Variants in MDM1 observed in about 807,000 individuals in gnomAD.
The protein encoded by MDM1 is Mdm1 nuclear protein.
A neutral mutation model predicts 89.1 loss-of-function variants in MDM1; 61 were observed. That is an observed-to-expected ratio of 0.68 (90% CI 0.56 to 0.85). MDM1 has a LOEUF of 0.85. Among genes scored for constraint, MDM1 ranks in the 40% least tolerant of loss-of-function variants. The probability of loss-of-function intolerance (pLI) is 0.00; values close to 1 mark genes in which losing one functional copy is unlikely to be tolerated. For synonymous variants in MDM1, 290 were observed against 294.1 expected (o/e 0.99, Z 0.14); for missense variants, 820 against 846.5 (o/e 0.97, Z 0.39).
intron 5 of MDM1, among the ~76,000 whole-genome samples, chr12:68,321,836 G>A (rs1027795311): frequency 1.3e-5 from 2 of 152,136 alleles, no homozygotes; most frequent in African/African-American, 4.8e-5. Flanking sequence ...AAGTTTAGCT[G>A]AGGATATAGT....
chr12:68,310,155 G>A (rs1290728258), intron 12 of MDM1, among the ~76,000 whole-genome samples: 1 of 152,136 alleles, frequency 6.6e-6, no homozygotes. Context: ...ATTTTTAGTA[G>A]GGACAAGATT....
chr12:68,297,981 G>A (rs1469021354), intron 13 of MDM1, among the ~76,000 whole-genome samples: 7 of 152,074 alleles, frequency 4.6e-5, no homozygotes, highest in Non-Finnish European at 8.8e-5. Flanking sequence ...TAACAAAAAC[G>A]ACATAAACTT....
chr12:68,309,711 C>T (rs1873424885), intron 12 of MDM1, among the ~76,000 whole-genome samples: 1 of 152,074 alleles, frequency 6.6e-6, no homozygotes, highest in Admixed American at 6.5e-5. Context: ...AATTGAATGA[C>T]CTATGGGTTT....
Position 68,325,096 on chromosome 12 carries a change from A to G in MDM1, c.633+345T>C, listed in dbSNP as rs1383639074. On this transcript the variant is annotated intron_variant, in intron 4 of 14. Transcript: ENST00000682720. ...AACACGCAATATATTAGTCAACAAA[A>G]CACAACATTTTAGAATAAAATCAAT... 3 of 955,338 alleles carry G rather than the reference A, an allele frequency of 3.1e-6. No homozygotes were observed. The East Asian group carries it at 3.3e-4, about 105-fold the overall frequency. The allele number at this position is 955,338 out of a possible 1,614,324, so 59.2% of individuals were successfully genotyped here.
At chr12:68,307,497 C>T (rs1592956346) in intron 12 of MDM1, among the ~76,000 whole-genome samples, 1 of 152,206 alleles carries the variant, frequency 6.6e-6, no homozygotes, top group South Asian at 2.1e-4. Flanking sequence ...AAAAATTAGC[C>T]AGGCATGGTG....
chr12:68,318,218 AAGG>A (rs1233948869), intron 7 of MDM1, among the ~76,000 whole-genome samples: 1 of 152,174 alleles, frequency 6.6e-6, no homozygotes, highest in African/African-American at 2.4e-5. Context: ...ATGTAAGTTG[AAGG>A]AGTAGTTCAA....
intron 13 of MDM1, 135 bp downstream of exon 13, chr12:68,302,485 A>T: frequency 2.4e-6 from 2 of 827,318 alleles, no homozygotes; most frequent in Non-Finnish European, 3.6e-6. Flanking sequence ...TTTCCTATTT[A>T]AAGAAATTTT....
intron 7 of MDM1, among the ~76,000 whole-genome samples, chr12:68,317,516 G>C (rs984831724): frequency 1.3e-5 from 2 of 152,004 alleles, no homozygotes; most frequent in Non-Finnish European, 2.9e-5. Context: ...TACATCTCTA[G>C]GGAATTGGCC....
chr12:68,329,560 T>C (rs939278843), intron 2 of MDM1, among the ~76,000 whole-genome samples: 3 of 152,216 alleles, frequency 2.0e-5, no homozygotes, highest in Admixed American at 6.5e-5. Context: ...ACAGACTTCC[T>C]AAAATCTCAC....
intron 12 of MDM1, among the ~76,000 whole-genome samples, chr12:68,303,835 CAGTACATGTGAGATAT>C (rs1872537930): frequency 6.6e-6 from 1 of 152,178 alleles, no homozygotes; most frequent in African/African-American, 2.4e-5. Flanking sequence ...TGTCCCTGAA[CAGTACATGTGAGATAT>C]TTACCTTCTT....
At chr12:68,298,118 T>G (rs960754187) in intron 13 of MDM1, among the ~76,000 whole-genome samples, 2 of 152,138 alleles carry the variant, frequency 1.3e-5, no homozygotes, top group Non-Finnish European at 2.9e-5. Context: ...ACCTCCTGAT[T>G]AGAGGCCAAC....
In MDM1 at chr12:68,321,605, T is replaced by G; in HGVS notation, c.825A>C (p.Leu275Phe). ...TTAATTCCATCTCTGCTTCCAATTT[T>G]AAACGATCGTCTATTTTATTACTCT... ...ERKSNKIDDR[L>F]KLEAEMELKD... The change falls in exon 6 of 15, where the codon TTA (leucine) becomes TTC (phenylalanine). Residue 275 changes from leucine (L) to phenylalanine (F), a missense_variant. Transcript: ENST00000682720. 6.2e-7 allele frequency: 1 copy of G among 1,611,504 alleles called. No homozygotes were observed. Among genetic ancestry groups the G allele is most frequent in the Non-Finnish European group, 8.5e-7 (1 of 1,178,972 alleles).
In MDM1 at chr12:68,327,287, CT is replaced by C. The variant is rs373297230; in HGVS notation, c.134-267del. 3.7e-5 allele frequency: 52 copies of C among 1,406,936 alleles called. 1 individual carries two copies. In the South Asian group the frequency reaches 7.5e-4, roughly 20 times the overall value. 87.2% of individuals were successfully genotyped at this position (1,406,936 alleles called of 1,614,324 possible). On this transcript the variant is annotated intron_variant, in intron 2 of 14. Transcript: ENST00000682720. ...GGGGTCACAAAATGTTCCAGTTATCCTAACAAAAGTCACTAGAATTGCAACG... is the reference window on the plus strand; with the variant it reads ...GGGGTCACAAAATGTTCCAGTTATCCAACAAAAGTCACTAGAATTGCAACG...
At chr12:68,308,872 C>T (rs1428314043) in intron 12 of MDM1, among the ~76,000 whole-genome samples, 1 of 152,178 alleles carries the variant, frequency 6.6e-6, no homozygotes, top group Non-Finnish European at 1.5e-5. Flanking sequence ...TAGCAGGCAT[C>T]CCTGTCTCTC....
intron 3 of MDM1, chr12:68,326,209 G>C (rs1019437475): frequency 9.2e-7 from 1 of 1,090,118 alleles, no homozygotes; most frequent in African/African-American, 1.6e-5. Context: ...CAAGATCTCT[G>C]AGAGACAGCC....
In MDM1 at chr12:68,321,488, T is replaced by A. The variant is rs774481156; in HGVS notation, c.905+37A>T. 6.5e-5 allele frequency: 105 copies of A among 1,606,730 alleles called. No individual in the cohort carries two copies. In the Middle Eastern group the frequency reaches 6.6e-4, roughly 10 times the overall value. On this transcript the variant is annotated intron_variant, in intron 6 of 14. Transcript: ENST00000682720. ...GAAAGTAAATATTTCACCATGTTAA[T>A]CATTGAAATACCATATTTTCCTATT...
At chr12:68,295,683 A>G (rs1871284602) in intron 14 of MDM1, among the ~76,000 whole-genome samples, 1 of 152,196 alleles carries the variant, frequency 6.6e-6, no homozygotes, top group African/African-American at 2.4e-5. Flanking sequence ...ATAATTCATC[A>G]TAATACTGTT....
chr12:68,323,908 T>G (rs1272750931), intron 4 of MDM1, among the ~76,000 whole-genome samples: 4 of 152,164 alleles, frequency 2.6e-5, no homozygotes, highest in Non-Finnish European at 5.9e-5. Flanking sequence ...CAGTATAACC[T>G]CAAGGACTTT....
At position 68,313,398 on chromosome 12, in the gene MDM1, T is replaced by A. The variant is rs951210887; in HGVS notation, c.1749+45A>T. ...ATTCATTTATTACATGTGTCTACAA[T>A]AATTAGTCCTAGATGAGATGCTTTT... On this transcript the variant is annotated intron_variant, in intron 12 of 14. Coordinates refer to ENST00000682720, the MANE Select transcript of MDM1 (RefSeq NM_001354969.2). The A allele has an allele frequency of 3.1e-6, 4 of 1,298,616 alleles. No individual in the cohort carries two copies. The African/African-American group carries it at 4.4e-5, about 14-fold the overall frequency. The allele number at this position is 1,298,616 out of a possible 1,614,324, so 80.4% of individuals were successfully genotyped here. A position where few individuals can be genotyped will look rare whatever the true frequency, so the allele number is the denominator to read the frequency against.
Sources: gnomAD v4.1 joint callset for allele counts (sites outside exome capture counted in the v4.1 genomes callset) on GRCh38, gnomAD v4.1.1 for gene constraint, MANE v1.5 for transcripts, NCBI Gene and HGNC (gene_info 2026-07-23, HGNC 2026-07-21) for gene names.